The following BEGAIN variants were observed in gnomAD, a reference collection of about 807,000 sequenced individuals.
BEGAIN encodes the protein brain-enriched guanylate kinase-associated protein.
A neutral mutation model predicts 35.8 loss-of-function variants in BEGAIN; 19 were observed. The ratio of observed to expected loss-of-function variants is 0.53; its 90% CI spans 0.37 to 0.78. BEGAIN has a LOEUF of 0.78. Among genes scored for constraint, BEGAIN ranks in the 30% least tolerant of loss-of-function variants. The pLI, the probability that BEGAIN is intolerant of heterozygous loss-of-function variation, is 0.00. For synonymous variants in BEGAIN, 462 were observed against 388.6 expected, an observed-to-expected ratio of 1.19 and a Z score of -2.22; for missense variants, 795 against 853.6, an observed-to-expected ratio of 0.93 and a Z score of 0.85.
In BEGAIN at chr14:100,573,194, T is replaced by G. The variant is rs942544098; in HGVS notation, c.43-5255A>C. Among the ~76,000 whole-genome samples, 4 of 126,232 alleles carry G rather than the reference T, an allele frequency of 3.2e-5. No individual in the cohort carries two copies. Among genetic ancestry groups the G allele is most frequent in the Admixed American group, 8.0e-5 (1 of 12,460 alleles). 82.8% of individuals were successfully genotyped at this position (126,232 alleles called of 152,430 possible). On this transcript the variant is annotated intron_variant, in intron 1 of 6. Transcript: ENST00000554140. The surrounding 1 kb of genome is among the most constrained non-coding windows in gnomAD (Gnocchi z 4.2). ...AGCAGGTGAGTCTGGGGGGAGGGGC[T>G]TCCGGAGGAGGGGGCTGGTGAGTCT...
In BEGAIN at chr14:100,573,055, G is replaced by C. The variant is rs573423269; in HGVS notation, c.43-5116C>G. On this transcript the variant is annotated intron_variant, in intron 1 of 6. Coordinates refer to ENST00000554140, the MANE Select transcript of BEGAIN (RefSeq NM_001385089.1). The surrounding 1 kb of genome is among the most constrained non-coding windows in gnomAD (Gnocchi z 4.2). ...TGTCCGACGGGGATATGTGTACAGA[G>C]AAGGATGGGAGGCAGGGTGGGGCAG... 6.6e-6 allele frequency among the ~76,000 whole-genome samples: 1 copy of C among 152,058 alleles called. No individual in the cohort carries two copies. Among genetic ancestry groups the C allele is most frequent in the South Asian group, 2.1e-4 (1 of 4,790 alleles).
intron 2 of BEGAIN, 118 bp from the exon 3 acceptor site, chr14:100,546,780 GCACACA>G (rs879183769): frequency 0.014 from 4,685 of 343,198 alleles, 33 homozygotes; most frequent in East Asian, 0.05. Context: ...GCGCGCGCGC[GCACACA>G]CACACACACA....
Position 100,538,212 on chromosome 14 carries a change from A to G in BEGAIN, c.1596T>C (p.Tyr532=). The change falls in exon 7 of 7, where the codon TAT becomes TAC. Residue 532 remains tyrosine, a synonymous_variant. Transcript: ENST00000554140. ...CCCCGTCCCCCCCCTCGCTGGGTGC[A>G]TAGCCGGGCAGTGGGTCAGCCGAGC... The part of the protein sequence containing the change: ...PGRSADPLPG[Y]APSEGGDGDR... The G allele has an allele frequency of 6.4e-7, 1 of 1,563,750 alleles. No individual in the cohort carries two copies. The highest frequency in any genetic ancestry group is 8.6e-7 in the Non-Finnish European group (1 of 1,160,714).
chr14:100,546,706 G>A (rs778621824), intron 2 of BEGAIN, 44 bp from the exon 3 acceptor site: 6 of 1,520,332 alleles, frequency 3.9e-6, no homozygotes, highest in African/African-American at 1.4e-5. Flanking sequence ...GGCGCTGAGC[G>A]GGGGAAACTA....
chr14:100,576,521 A>G (rs1225777703), intron 1 of BEGAIN, among the ~76,000 whole-genome samples: 1 of 152,206 alleles, frequency 6.6e-6, no homozygotes, highest in African/African-American at 2.4e-5. Flanking sequence ...TCCCGGCAGG[A>G]AAGCCTTCCT....
intron 2 of BEGAIN, among the ~76,000 whole-genome samples, chr14:100,555,665 T>G (rs2033646162): frequency 6.6e-5 from 10 of 152,336 alleles, no homozygotes; most frequent in Admixed American, 5.2e-4. Flanking sequence ...AGATGCCAGA[T>G]TTTAATGTAA....
chr14:100,570,879 C>T (rs1310486982), intron 1 of BEGAIN, among the ~76,000 whole-genome samples: 3 of 152,226 alleles, frequency 2.0e-5, no homozygotes, highest in Admixed American at 1.3e-4. Context: ...GTGGCTTGCT[C>T]AAGTCCCCTG....
intron 2 of BEGAIN, among the ~76,000 whole-genome samples, chr14:100,561,130 C>T (rs1194557068): frequency 6.6e-6 from 1 of 152,196 alleles, no homozygotes; most frequent in Non-Finnish European, 1.5e-5. Flanking sequence ...CCAGCCACTG[C>T]CCCAACCATC....
Position 100,539,434 on chromosome 14 carries a change from C to T in BEGAIN, c.493-119G>A, listed in dbSNP as rs980047312. 27 of 1,442,622 alleles carry T rather than the reference C, an allele frequency of 1.9e-5. No individual in the cohort carries two copies. In the East Asian group the frequency reaches 2.2e-4, roughly 12 times the overall value. The allele number at this position is 1,442,622 out of a possible 1,614,324, so 89.4% of individuals were successfully genotyped here. Reference sequence around the variant, plus strand: ...CATGACCGACAGGCAGACAGACGAACGGGGGCCTCCCGGCTTCTCAAATCA... The same window carrying T: ...CATGACCGACAGGCAGACAGACGAATGGGGGCCTCCCGGCTTCTCAAATCA... On this transcript the variant is annotated intron_variant, in intron 6 of 6. Transcript: ENST00000554140.
chr14:100,549,967 A>AGGCCTGGG, intron 2 of BEGAIN: 1 of 153,420 alleles, frequency 6.5e-6, no homozygotes, highest in Non-Finnish European at 1.5e-5. Context: ...CCACCCTTCC[A>AGGCCTGGG]GGCCTGGGGG....
chr14:100,552,548 C>T (rs2140613900), intron 2 of BEGAIN, among the ~76,000 whole-genome samples: 1 of 152,348 alleles, frequency 6.6e-6, no homozygotes, highest in South Asian at 2.1e-4. Flanking sequence ...TTGGACTCCC[C>T]TTCGAAGGAA....
At chr14:100,546,945 G>C in intron 2 of BEGAIN, 1 of 304,096 alleles carries the variant, frequency 3.3e-6, no homozygotes, top group Non-Finnish European at 6.1e-6. Context: ...GTAAATCCCA[G>C]GTGGTGGCTG....
chr14:100,542,526 G>A (rs897316805), intron 5 of BEGAIN, among the ~76,000 whole-genome samples: 5 of 152,202 alleles, frequency 3.3e-5, no homozygotes, highest in African/African-American at 1.2e-4. Context: ...AAGGGGTCCT[G>A]TGCATCTCCC....
intron 1 of BEGAIN, among the ~76,000 whole-genome samples, chr14:100,574,517 G>C (rs1210557444): frequency 8.0e-6 from 1 of 124,378 alleles, no homozygotes; most frequent in Non-Finnish European, 1.6e-5. Context: ...CCTGCACAAA[G>C]GTTTTTTTTT....
Position 100,568,193 on chromosome 14 carries a change from G to C in BEGAIN, c.43-254C>G, listed in dbSNP as rs1422525541. ...TCCCCGCACCGAGTTACGCCCCCCG[G>C]GGCGAAGAAGGGGCCGGCCCGGGAT... On this transcript the variant is annotated intron_variant, in intron 1 of 6. Transcript: ENST00000554140. The surrounding 1 kb of genome is among the most constrained non-coding windows in gnomAD (Gnocchi z 7.5). 6.5e-6 allele frequency: 5 copies of C among 771,016 alleles called. No individual in the cohort carries two copies. In the Admixed American group the frequency reaches 1.8e-4, roughly 28 times the overall value. The allele number at this position is 771,016 out of a possible 1,614,324, so 47.8% of individuals were successfully genotyped here.
intron 2 of BEGAIN, chr14:100,547,243 A>T (rs1350346754): frequency 6.6e-6 from 1 of 152,284 alleles, no homozygotes; most frequent in Non-Finnish European, 1.5e-5. Flanking sequence ...GCAATGTCCC[A>T]TGCCCGGGCA....
In BEGAIN at chr14:100,537,775, G is replaced by T; in HGVS notation, c.*194C>A. ...GTGGAGTTCCACGGGCCGGGGCCGG[G>T]TGGACACCGTGGTGTGGGGGACCCT... On this transcript the variant is annotated 3_prime_UTR_variant, in exon 7 of 7. Coordinates refer to ENST00000554140, the MANE Select transcript of BEGAIN (RefSeq NM_001385089.1). 1.2e-6 allele frequency: 1 copy of T among 812,510 alleles called. No homozygotes were observed. The highest frequency in any genetic ancestry group is 2.1e-5 in the South Asian group (1 of 47,140). The allele number at this position is 812,510 out of a possible 1,614,324, so 50.3% of individuals were successfully genotyped here. A position where few individuals can be genotyped will look rare whatever the true frequency, so the allele number is the denominator to read the frequency against.
At chr14:100,575,852 G>C (rs1281106383) in intron 1 of BEGAIN, among the ~76,000 whole-genome samples, 1 of 152,076 alleles carries the variant, frequency 6.6e-6, no homozygotes, top group Non-Finnish European at 1.5e-5. Flanking sequence ...GAGGCCCCAA[G>C]AGATATGTGC....
intron 6 of BEGAIN, 116 bp downstream of exon 6, chr14:100,540,380 C>T: frequency 1.2e-6 from 1 of 815,900 alleles, no homozygotes; most frequent in East Asian, 2.7e-5. Context: ...AGAGGAGGCT[C>T]AGGCTCAGCT....
Sources: allele counts gnomAD v4.1 joint callset (sites outside exome capture counted in the v4.1 genomes callset), GRCh38; gene constraint gnomAD v4.1.1; non-coding constraint Gnocchi (gnomAD v3.1); transcripts MANE v1.5; gene names NCBI Gene and HGNC (gene_info 2026-07-23, HGNC 2026-07-21).